SLMAP: variants seen among roughly 807,000 people sequenced by gnomAD.
SLMAP encodes sarcolemmal membrane-associated protein.
SLMAP carries 44 observed loss-of-function variants against 128.8 expected under a neutral mutation model. The ratio of observed to expected loss-of-function variants is 0.34; its 90% confidence interval spans 0.27 to 0.44. The LOEUF (loss-of-function observed/expected upper bound fraction) is 0.44, where lower values mean the gene tolerates loss of function less well. Ranked by LOEUF, SLMAP falls within the 20% of genes least tolerant of loss-of-function variation. SLMAP has a pLI of 1.00. For missense variants in SLMAP, 787 were observed against 985.3 expected, an observed-to-expected ratio of 0.80 and a Z score of 2.69; for synonymous variants, 327 against 348.8, an observed-to-expected ratio of 0.94 and a Z score of 0.70.
intron 22 of SLMAP, among the ~76,000 whole-genome samples, chr3:57,921,505 A>C: frequency 6.6e-6 from 1 of 151,984 alleles, no homozygotes; most frequent in Admixed American, 6.5e-5. Context: ...AGGTGCCCGT[A>C]ATCGCAGCTA....
At chr3:57,860,979 C>A in intron 9 of SLMAP, 140 bp downstream of exon 9, 1 of 681,868 alleles carries the variant, frequency 1.5e-6, no homozygotes, top group Non-Finnish European at 2.3e-6. Context: ...GGAACAGTTA[C>A]GCTGCTTTCA....
At chr3:57,761,119 T>C (rs1342870617) in intron 2 of SLMAP, among the ~76,000 whole-genome samples, 1 of 151,956 alleles carries the variant, frequency 6.6e-6, no homozygotes, top group African/African-American at 2.4e-5. Flanking sequence ...CTTAGCACCC[T>C]GTCCCTGGCT....
At chr3:57,898,254 C>G (rs2096286298) in intron 17 of SLMAP, 1 of 152,134 alleles carries the variant, frequency 6.6e-6, no homozygotes, top group South Asian at 2.1e-4. Flanking sequence ...TGATCCAGAA[C>G]TCTCATCTCA....
intron 2 of SLMAP, among the ~76,000 whole-genome samples, chr3:57,823,906 G>A (rs1045004348): frequency 1.3e-5 from 2 of 152,030 alleles, no homozygotes; most frequent in African/African-American, 4.8e-5. Context: ...TTTAATGATC[G>A]CCATTCTAAC....
chr3:57,889,928 A>T, intron 14 of SLMAP, 113 bp from the exon 15 acceptor site: 1 of 704,256 alleles, frequency 1.4e-6, no homozygotes. Context: ...AAGCTTGGTC[A>T]TAGGAGTAAT....
intron 2 of SLMAP, among the ~76,000 whole-genome samples, chr3:57,778,962 T>G (rs1054854313): frequency 6.6e-6 from 1 of 152,012 alleles, no homozygotes; most frequent in Non-Finnish European, 1.5e-5. Context: ...CTCTAGGAAA[T>G]TTTTTTTATA....
At chr3:57,864,917 G>T (rs2095252526) in intron 12 of SLMAP, 60 bp downstream of exon 12, 1 of 1,298,726 alleles carries the variant, frequency 7.7e-7, no homozygotes, top group Admixed American at 2.4e-5. Flanking sequence ...TTTTGACCTT[G>T]TTTACTGTCT....
At chr3:57,775,105 A>G (rs1173219569) in intron 2 of SLMAP, among the ~76,000 whole-genome samples, 3 of 149,926 alleles carry the variant, frequency 2.0e-5, no homozygotes, top group East Asian at 2.0e-4. Flanking sequence ...CCCAGGCCGG[A>G]GTACAGTGGC....
intron 2 of SLMAP, among the ~76,000 whole-genome samples, chr3:57,802,941 A>G (rs1560042084): frequency 6.6e-6 from 1 of 152,200 alleles, no homozygotes; most frequent in East Asian, 1.9e-4. Context: ...TAAAAAATGG[A>G]TGATAGCACT....
chr3:57,782,542 G>A (rs1225320884), intron 2 of SLMAP, among the ~76,000 whole-genome samples: 4 of 152,054 alleles, frequency 2.6e-5, no homozygotes, highest in African/African-American at 9.7e-5. Context: ...GCATGATCTG[G>A]GCTCACTACA....
At chr3:57,832,990 C>G (rs891553158) in intron 3 of SLMAP, among the ~76,000 whole-genome samples, 3 of 152,164 alleles carry the variant, frequency 2.0e-5, no homozygotes, top group Non-Finnish European at 4.4e-5. Flanking sequence ...CATATCACAC[C>G]TACAAGTCAT....
At chr3:57,848,452 C>A (rs2094364399) in intron 5 of SLMAP, among the ~76,000 whole-genome samples, 2 of 144,018 alleles carry the variant, frequency 1.4e-5, no homozygotes, top group South Asian at 4.4e-4. Flanking sequence ...GTCCTTCTTC[C>A]TTCTTTCTTC....
Position 57,929,041 on chromosome 3 carries a change from G to C in SLMAP, c.*1752G>C, listed in dbSNP as rs971853916. The C allele has an allele frequency of 6.6e-6, 1 of 152,542 alleles. No individual in the cohort carries two copies. Among genetic ancestry groups the C allele is most frequent in the Non-Finnish European group, 1.5e-5 (1 of 67,982 alleles). 9.4% of individuals were successfully genotyped at this position (152,542 alleles called of 1,614,324 possible). Reference sequence around the variant, plus strand: ...TAACTTCAGAATTACATTTTTTAAAGTAAATAATTGTTTTAAATCTATTTT... The same window carrying C: ...TAACTTCAGAATTACATTTTTTAAACTAAATAATTGTTTTAAATCTATTTT... On this transcript the variant is annotated 3_prime_UTR_variant, in exon 25 of 25. Coordinates refer to ENST00000671191, the MANE Select transcript of SLMAP (RefSeq NM_001377540.1).
intron 2 of SLMAP, among the ~76,000 whole-genome samples, chr3:57,816,012 T>C (rs565468686): frequency 6.6e-6 from 1 of 152,364 alleles, no homozygotes; most frequent in Non-Finnish European, 1.5e-5. Context: ...CTGAGGTAGG[T>C]ACTGATGCCA....
intron 2 of SLMAP, among the ~76,000 whole-genome samples, chr3:57,780,649 ATT>A (rs973022350): frequency 6.9e-6 from 1 of 145,024 alleles, no homozygotes; most frequent in Non-Finnish European, 1.5e-5. Context: ...AACTTAAATA[ATT>A]TTTTTTTTTT....
At chr3:57,769,616 C>T (rs2080423801) in intron 2 of SLMAP, among the ~76,000 whole-genome samples, 1 of 152,056 alleles carries the variant, frequency 6.6e-6, no homozygotes, top group African/African-American at 2.4e-5. Context: ...AGCTACCGCA[C>T]CTAGGCCCAA....
At chr3:57,839,510 G>A (rs1362084327) in intron 3 of SLMAP, among the ~76,000 whole-genome samples, 2 of 141,662 alleles carry the variant, frequency 1.4e-5, no homozygotes, top group Non-Finnish European at 3.0e-5. Flanking sequence ...GCATGGTCTC[G>A]GCTCACTGCA....
chr3:57,845,517 T>A (rs1440837642), intron 4 of SLMAP, among the ~76,000 whole-genome samples: 1 of 152,198 alleles, frequency 6.6e-6, no homozygotes, highest in African/African-American at 2.4e-5. Flanking sequence ...TACATATGAT[T>A]TATCAGTTCA....
chr3:57,885,077 T>TTC (rs1414650092), intron 14 of SLMAP, among the ~76,000 whole-genome samples: 2 of 151,804 alleles, frequency 1.3e-5, no homozygotes, highest in East Asian at 3.9e-4. Flanking sequence ...AGAAATTTTT[T>TTC]TTTTTTTTTT....
Sources: gnomAD v4.1 joint callset for allele counts (sites outside exome capture counted in the v4.1 genomes callset) on GRCh38, gnomAD v4.1.1 for gene constraint, MANE v1.5 for transcripts, NCBI Gene and HGNC (gene_info 2026-07-23, HGNC 2026-07-21) for gene names.